The following PALS2 variants were observed in gnomAD, a reference collection of about 807,000 sequenced individuals.
PALS2 encodes protein associated with LIN7 2, MAGUK p55 family member.
In PALS2, 27 loss-of-function variants were observed where a neutral mutation model predicts 61.6. The ratio of observed to expected loss-of-function variants is 0.44; its 90% CI spans 0.32 to 0.60. The LOEUF is 0.60. PALS2 is among the 20% of genes least tolerant of loss of function. The probability of loss-of-function intolerance (pLI) is 0.05; values close to 1 mark genes in which losing one functional copy is unlikely to be tolerated. For synonymous variants in PALS2, 236 were observed against 218.6 expected (o/e 1.08, Z -0.70); for missense variants, 554 against 639.4 (o/e 0.87, Z 1.44).
chr7:24,652,493 A>C (rs151155948), intron 5 of PALS2, among the ~76,000 whole-genome samples: 1,898 of 152,188 alleles, frequency 0.012, 57 homozygotes, highest in African/African-American at 0.043. Context: ...GGAGAGGAGG[A>C]GTCTTATAAG....
intron 1 of PALS2, among the ~76,000 whole-genome samples, chr7:24,614,888 C>G (rs1784237262): frequency 6.6e-6 from 1 of 151,802 alleles, no homozygotes; most frequent in Admixed American, 6.6e-5. Flanking sequence ...ACATTTATGA[C>G]CATATGTTAG....
At chr7:24,679,397 G>A in intron 10 of PALS2, 64 bp downstream of exon 10, 3 of 1,549,598 alleles carry the variant, frequency 1.9e-6, no homozygotes, top group Non-Finnish European at 8.8e-7. Context: ...TTTCATGTGT[G>A]TCGGGGTTGT....
rs1783525695 is a variant in PALS2, at chr7:24,596,405, T to C, written c.-3+22812T>C. 6.6e-6 allele frequency among the ~76,000 whole-genome samples: 1 copy of C among 152,176 alleles called. No homozygotes were observed. The stretch of plus-strand genomic sequence containing the variant: ...TAAGTATATATATAAAGTATTATTT[T>C]GAAAACAGACCCTATCAATGAAATT... On this transcript the variant is annotated intron_variant, in intron 1 of 11. Transcript: ENST00000222644. The surrounding 1 kb of genome is among the most constrained non-coding windows in gnomAD (Gnocchi z 4.5).
At chr7:24,663,003 T>A (rs573085079) in intron 5 of PALS2, among the ~76,000 whole-genome samples, 1 of 152,288 alleles carries the variant, frequency 6.6e-6, no homozygotes, top group Admixed American at 6.5e-5. Flanking sequence ...GAAAATAGTT[T>A]CGAGACTTCT....
Position 24,691,908 on chromosome 7 carries a change from A to G in PALS2, c.*4294A>G, listed in dbSNP as rs1360537423. 1 of 152,104 alleles carries G rather than the reference A, an allele frequency of 6.6e-6. No individual in the cohort carries two copies. The highest frequency in any genetic ancestry group is 6.5e-5 in the Admixed American group (1 of 15,270). The allele number at this position is 152,104 out of a possible 1,614,324, so 9.4% of individuals were successfully genotyped here. On this transcript the variant is annotated 3_prime_UTR_variant, in exon 12 of 12. Coordinates refer to ENST00000222644, the MANE Select transcript of PALS2 (RefSeq NM_001303037.2). Reference sequence around the variant, plus strand: ...AATGGGATTATTGTATATAGTACAAATGAATACTCACAAAATTTAAGAATA... The same window carrying G: ...AATGGGATTATTGTATATAGTACAAGTGAATACTCACAAAATTTAAGAATA...
chr7:24,583,931 G>C (rs1180216341), intron 1 of PALS2, among the ~76,000 whole-genome samples: 1 of 151,064 alleles, frequency 6.6e-6, no homozygotes, highest in African/African-American at 2.5e-5. Context: ...TTGTTCTCAC[G>C]ATAGTTTACT....
chr7:24,600,389 A>C (rs1003992691), intron 1 of PALS2, among the ~76,000 whole-genome samples: 1 of 152,230 alleles, frequency 6.6e-6, no homozygotes, highest in African/African-American at 2.4e-5. Flanking sequence ...GTAGCTTATA[A>C]AATATCTTAC....
At chr7:24,602,021 C>T (rs367689376) in intron 1 of PALS2, among the ~76,000 whole-genome samples, 2 of 151,852 alleles carry the variant, frequency 1.3e-5, no homozygotes, top group African/African-American at 4.8e-5. Context: ...TCCATTTTGT[C>T]TCTCCTTTCT....
In PALS2 at chr7:24,640,486, TG is replaced by T. The variant is rs541712828; in HGVS notation, c.118-1228del. Among the ~76,000 whole-genome samples the T allele has an allele frequency of 2.3e-3, 348 of 152,350 alleles. 1 individual carries two copies. The highest frequency in any genetic ancestry group is 7.9e-3 in the African/African-American group (328 of 41,574). On this transcript the variant is annotated intron_variant, in intron 2 of 11. Transcript: ENST00000222644. ...GTTGATACTGTTACCACTTGAAATG[TG>T]GATTTTTCTTTAGCAATCCTTGAAA...
chr7:24,682,771 T>G (rs1206271317), intron 11 of PALS2, among the ~76,000 whole-genome samples: 1 of 152,140 alleles, frequency 6.6e-6, no homozygotes, highest in African/African-American at 2.4e-5. Flanking sequence ...TCTTTTCACA[T>G]TGTACTTTAG....
rs1478781924 is a variant in PALS2 at position 24,618,061 on chromosome 7, G to A, written c.-2-5605G>A. 3.3e-5 allele frequency among the ~76,000 whole-genome samples: 5 copies of A among 152,184 alleles called. No individual in the cohort carries two copies. Among genetic ancestry groups the A allele is most frequent in the Admixed American group, 3.3e-4 (5 of 15,282 alleles). Reference sequence around the variant, plus strand: ...GCCTCCTGGAGTATCTTAGGGTGTAGGTGCCAATGTGGAGCCAGTTCAAGG... The same window carrying A: ...GCCTCCTGGAGTATCTTAGGGTGTAAGTGCCAATGTGGAGCCAGTTCAAGG... On this transcript the variant is annotated intron_variant, in intron 1 of 11. Transcript: ENST00000222644. This position sits in a 1 kb window ranked among gnomAD's most constrained non-coding sequence, Gnocchi z 5.1.
chr7:24,658,958 G>C (rs553595431), intron 5 of PALS2, among the ~76,000 whole-genome samples: 2 of 152,232 alleles, frequency 1.3e-5, no homozygotes, highest in East Asian at 3.9e-4. Flanking sequence ...CCCAGGTAGT[G>C]AGCATGATAC....
Position 24,675,184 on chromosome 7 carries a change from G to C in PALS2, c.1115-3947G>C, listed in dbSNP as rs549156507. Among the ~76,000 whole-genome samples the C allele has an allele frequency of 1.1e-3, 164 of 152,044 alleles. 2 individuals are homozygous for C. Among genetic ancestry groups the C allele is most frequent in the Middle Eastern group, 3.2e-3 (1 of 316 alleles). On this transcript the variant is annotated intron_variant, in intron 9 of 11. Transcript: ENST00000222644. ...GAATTAAGATTCCCTCAGCATGGAG[G>C]TAGAGGTAATACATGTGCATATACA... is the stretch of plus-strand genomic sequence containing the variant.
chr7:24,672,146 T>A (rs551188158), intron 9 of PALS2, among the ~76,000 whole-genome samples: 2 of 151,156 alleles, frequency 1.3e-5, no homozygotes, highest in South Asian at 4.2e-4. Flanking sequence ...AAGCTTATCT[T>A]ATAATTTATA....
chr7:24,597,110 G>C (rs1402063806), intron 1 of PALS2: 3 of 152,150 alleles, frequency 2.0e-5, no homozygotes, highest in African/African-American at 2.4e-5. Context: ...TAGAGTCAGT[G>C]AGTAGTTTTC....
Position 24,690,402 on chromosome 7 carries a change from C to G in PALS2, c.*2788C>G, listed in dbSNP as rs1405042882. ...GAAAATGGTTTAGAGTGGTGTTGAG[C>G]AATTGTTAAGAGTTGAAATAGACAC... On this transcript the variant is annotated 3_prime_UTR_variant, in exon 12 of 12. Transcript: ENST00000222644. The G allele has an allele frequency of 1.3e-5, 2 of 152,100 alleles. No homozygotes were observed. The allele number at this position is 152,100 out of a possible 1,614,324, so 9.4% of individuals were successfully genotyped here.
chr7:24,678,477 G>A (rs144402513), intron 9 of PALS2, among the ~76,000 whole-genome samples: 58 of 152,316 alleles, frequency 3.8e-4, no homozygotes, highest in Admixed American at 1.6e-3. Context: ...AGCTAAAAGC[G>A]TTGGTTTTGA....
intron 2 of PALS2, among the ~76,000 whole-genome samples, chr7:24,630,064 C>G (rs528825514): frequency 1.6e-4 from 25 of 152,126 alleles, no homozygotes; most frequent in African/African-American, 5.8e-4. Context: ...ATAGCAAAGA[C>G]TTGGAACCAA....
chr7:24,623,888 T>G (rs1299275819), intron 2 of PALS2, 104 bp downstream of exon 2: 1 of 1,010,334 alleles, frequency 9.9e-7, no homozygotes, highest in Non-Finnish European at 1.5e-6. Context: ...ATACATTAGG[T>G]TTAGTTAGCA....
Sources: allele counts gnomAD v4.1 joint callset (sites outside exome capture counted in the v4.1 genomes callset), GRCh38; gene constraint gnomAD v4.1.1; non-coding constraint Gnocchi (gnomAD v3.1); transcripts MANE v1.5; gene names NCBI Gene and HGNC (gene_info 2026-07-23, HGNC 2026-07-21).